Variants in GRIN2B observed in about 807,000 individuals in gnomAD.
The protein encoded by GRIN2B is glutamate receptor ionotropic, NMDA 2B.
A neutral mutation model predicts 114.5 loss-of-function variants in GRIN2B; 5 were observed. The observed-to-expected ratio is 0.04, with a 90% CI of 0.02 to 0.09. The LOEUF (loss-of-function observed/expected upper bound fraction) is 0.09, where lower values mean the gene tolerates loss of function less well. GRIN2B is among the 10% of genes least tolerant of loss of function. The pLI is 1.00. For missense variants in GRIN2B, 1,108 were observed against 1,943.5 expected (o/e 0.57, Z 8.08); for synonymous variants, 787 against 745.1 (o/e 1.06, Z -0.92).
chr12:13,903,149 T>C (rs1039507906), intron 2 of GRIN2B, among the ~76,000 whole-genome samples: 1 of 152,132 alleles, frequency 6.6e-6, no homozygotes, highest in Non-Finnish European at 1.5e-5. Context: ...TGACCAGCCT[T>C]ACCAGACATT....
chr12:13,810,361 T>C (rs962303985), intron 3 of GRIN2B, among the ~76,000 whole-genome samples: 3 of 151,614 alleles, frequency 2.0e-5, no homozygotes, highest in Admixed American at 2.0e-4. Context: ...GATATTTGTG[T>C]GTGTGTGTGC....
At chr12:13,842,963 C>T (rs1865405328) in intron 3 of GRIN2B, among the ~76,000 whole-genome samples, 2 of 123,428 alleles carry the variant, frequency 1.6e-5, no homozygotes, top group South Asian at 2.6e-4. Flanking sequence ...GTTTTCAAAA[C>T]ACTGCTTTTT....
intron 3 of GRIN2B, among the ~76,000 whole-genome samples, chr12:13,860,788 C>T (rs1308720586): frequency 1.3e-5 from 2 of 152,212 alleles, no homozygotes; most frequent in East Asian, 3.9e-4. Flanking sequence ...TGACCCTTTA[C>T]TCAGCATACC....
At chr12:13,977,375 T>A (rs1159240755) in intron 2 of GRIN2B, 3 of 152,260 alleles carry the variant, frequency 2.0e-5, no homozygotes, top group African/African-American at 7.2e-5. Context: ...CATCACTCTG[T>A]GTTCACAGAT....
At chr12:13,954,482 C>T (rs966554488) in intron 2 of GRIN2B, among the ~76,000 whole-genome samples, 2 of 152,066 alleles carry the variant, frequency 1.3e-5, no homozygotes, top group African/African-American at 4.8e-5. Context: ...ACAAGTAAAT[C>T]TGGCCATCTG....
At chr12:13,827,262 G>T (rs1591754407) in intron 3 of GRIN2B, among the ~76,000 whole-genome samples, 1 of 83,238 alleles carries the variant, frequency 1.2e-5, no homozygotes, top group African/African-American at 4.8e-5. Flanking sequence ...GGGATTTACT[G>T]AACTTCTTAA....
At chr12:13,680,440 GTGTGTGTGTGT>G (rs1950119081) in intron 4 of GRIN2B, among the ~76,000 whole-genome samples, 2 of 44,556 alleles carry the variant, frequency 4.5e-5, no homozygotes, top group Admixed American at 2.4e-4. Flanking sequence ...TCAAGGTTGT[GTGTGTGTGTGT>G]GTGTGTGTGT....
At chr12:13,605,570 C>CTG (rs1202068706) in intron 10 of GRIN2B, among the ~76,000 whole-genome samples, 3 of 150,846 alleles carry the variant, frequency 2.0e-5, no homozygotes, top group African/African-American at 4.9e-5. Flanking sequence ...CACACACACA[C>CTG]ACACACACAC....
In GRIN2B at chr12:13,569,876, C is replaced by A. The variant is rs150554184; in HGVS notation, c.2313G>T (p.Gly771=). ...TAGCAAGGTCCACCTGGCGCTTCCA[C>A]CCAGAATCTTTTTGGATGGCAATGC... ...GYGIAIQKDS[G]WKRQVDLAIL... The change falls in exon 12 of 14, where the codon GGG becomes GGT. Residue 771 remains glycine, a synonymous_variant. Coordinates refer to ENST00000609686, the MANE Select transcript of GRIN2B (RefSeq NM_000834.5). 6.2e-7 allele frequency: 1 copy of A among 1,612,362 alleles called. No homozygotes were observed. Among genetic ancestry groups the A allele is most frequent in the African/African-American group, 1.3e-5 (1 of 75,038 alleles).
intron 4 of GRIN2B, among the ~76,000 whole-genome samples, chr12:13,698,286 T>A (rs1218369741): frequency 2.0e-5 from 3 of 152,242 alleles, no homozygotes; most frequent in African/African-American, 7.2e-5. Context: ...AGCAAATCCC[T>A]GCCTTGTTGA....
At position 13,923,132 on chromosome 12, in the gene GRIN2B, C is replaced by CA. The variant is rs567961950; in HGVS notation, c.-19+56795dup. On this transcript the variant is annotated intron_variant, in intron 2 of 13. Coordinates refer to ENST00000609686, the MANE Select transcript of GRIN2B (RefSeq NM_000834.5). Reference sequence around the variant, plus strand: ...AGGCAATGTTATTTTATATGAGCTGCAAAAAAGGCCCAAATAATGGAGATA... The same window carrying CA: ...AGGCAATGTTATTTTATATGAGCTGCAAAAAAAGGCCCAAATAATGGAGATA... Among the ~76,000 whole-genome samples the CA allele has an allele frequency of 3.7e-3, 560 of 151,724 alleles. 4 individuals carry two copies. The highest frequency in any genetic ancestry group is 4.1e-3 in the Non-Finnish European group (279 of 67,926).
chr12:13,950,779 G>C (rs1450894079), intron 2 of GRIN2B, among the ~76,000 whole-genome samples: 1 of 152,128 alleles, frequency 6.6e-6, no homozygotes, highest in Admixed American at 6.6e-5. Context: ...TCCACTTCAA[G>C]CTTATGGAGA....
chr12:13,770,557 C>G (rs1264627437), intron 3 of GRIN2B, among the ~76,000 whole-genome samples: 1 of 152,118 alleles, frequency 6.6e-6, no homozygotes, highest in Non-Finnish European at 1.5e-5. Flanking sequence ...CTTGTTAGCA[C>G]AGATTTAAAA....
intron 3 of GRIN2B, among the ~76,000 whole-genome samples, chr12:13,775,899 C>T (rs878890769): frequency 6.6e-6 from 1 of 152,140 alleles, no homozygotes; most frequent in Non-Finnish European, 1.5e-5. Context: ...ACAGAAGTAC[C>T]ATTCAACCCA....
At chr12:13,809,908 G>T (rs535656794) in intron 3 of GRIN2B, among the ~76,000 whole-genome samples, 18 of 152,198 alleles carry the variant, frequency 1.2e-4, no homozygotes, top group South Asian at 4.2e-4. Context: ...GCTGCTCTGT[G>T]GGATCCAGTC....
intron 2 of GRIN2B, among the ~76,000 whole-genome samples, chr12:13,868,812 G>T (rs1243193127): frequency 6.6e-6 from 1 of 152,106 alleles, no homozygotes; most frequent in African/African-American, 2.4e-5. Flanking sequence ...TTTATACTCA[G>T]GATACAGCAA....
At chr12:13,732,601 T>A (rs1863103583) in intron 4 of GRIN2B, among the ~76,000 whole-genome samples, 1 of 152,230 alleles carries the variant, frequency 6.6e-6, no homozygotes, top group Non-Finnish European at 1.5e-5. Context: ...TGTAATCATA[T>A]TATTTCATGT....
chr12:13,620,723 A>G lies in GRIN2B; in HGVS notation c.1126-4066T>C, dbSNP rs1296015468. Among the ~76,000 whole-genome samples the G allele has an allele frequency of 2.6e-5, 4 of 152,198 alleles. No individual in the cohort carries two copies. In the East Asian group the frequency reaches 7.7e-4, roughly 29 times the overall value. ...TCTGAGGTGCCTTCCACATAATTTC[A>G]TGATCATAATTTCTTTAGGACAGGG... On this transcript the variant is annotated intron_variant, in intron 5 of 13. Coordinates refer to ENST00000609686, the MANE Select transcript of GRIN2B (RefSeq NM_000834.5).
At chr12:13,876,767 A>G (rs926401137) in intron 2 of GRIN2B, among the ~76,000 whole-genome samples, 1 of 152,222 alleles carries the variant, frequency 6.6e-6, no homozygotes, top group African/African-American at 2.4e-5. Context: ...TTTTGCTAGT[A>G]ACAAGGCTTT....
Sources: allele counts gnomAD v4.1 joint callset (sites outside exome capture counted in the v4.1 genomes callset), GRCh38; gene constraint gnomAD v4.1.1; transcripts MANE v1.5; gene names NCBI Gene and HGNC (gene_info 2026-07-23, HGNC 2026-07-21).